Variants in OXR1 observed in about 807,000 individuals in gnomAD.
OXR1 encodes the protein oxidation resistance protein 1.
OXR1 carries 41 observed loss-of-function variants against 104.6 expected under a neutral mutation model. The ratio of observed to expected loss-of-function variants is 0.39; its 90% CI spans 0.31 to 0.51. The LOEUF (loss-of-function observed/expected upper bound fraction) is 0.51, where lower values mean the gene tolerates loss of function less well. Ranked by LOEUF, OXR1 falls within the 20% of genes least tolerant of loss-of-function variation. The pLI is 0.77. For missense variants in OXR1, 955 were observed against 1,031.9 expected (o/e 0.93, Z 1.02); for synonymous variants, 348 against 348.4 (o/e 1.00, Z 0.01).
intron 1 of OXR1, among the ~76,000 whole-genome samples, chr8:106,310,282 C>A (rs973181449): frequency 1.4e-5 from 2 of 143,612 alleles, no homozygotes; most frequent in Admixed American, 7.2e-5. Flanking sequence ...GAAATATAAA[C>A]AACTTCTCAA....
intron 2 of OXR1, among the ~76,000 whole-genome samples, chr8:106,422,227 C>T (rs959027807): frequency 5.3e-5 from 8 of 152,046 alleles, no homozygotes; most frequent in African/African-American, 9.7e-5. Context: ...AAGGAGGAAA[C>T]GTGCTAAAAT....
At chr8:106,646,816 G>A (rs1824125443) in intron 3 of OXR1, among the ~76,000 whole-genome samples, 1 of 152,196 alleles carries the variant, frequency 6.6e-6, no homozygotes, top group African/African-American at 2.4e-5. Context: ...TCTTCATGAT[G>A]TAACATTATT....
intron 3 of OXR1, among the ~76,000 whole-genome samples, chr8:106,562,598 T>G (rs1054841379): frequency 2.0e-5 from 3 of 152,070 alleles, no homozygotes; most frequent in African/African-American, 7.2e-5. Context: ...AGGCCAATAT[T>G]CAAATTCAGG....
At chr8:106,664,606 T>G (rs1826089767) in intron 3 of OXR1, among the ~76,000 whole-genome samples, 1 of 152,246 alleles carries the variant, frequency 6.6e-6, no homozygotes, top group African/African-American at 2.4e-5. Flanking sequence ...AAATTAGTCT[T>G]AAGAGTATAA....
chr8:106,723,497 C>CAAAA (rs550424646), intron 11 of OXR1, among the ~76,000 whole-genome samples: 2 of 95,712 alleles, frequency 2.1e-5, no homozygotes, highest in Admixed American at 1.2e-4. Context: ...GCCTCTGTCT[C>CAAAA]AAAAAAAAAA....
chr8:106,740,192 C>T (rs1834799050), intron 13 of OXR1, 151 bp from the exon 14 acceptor site: 1 of 535,914 alleles, frequency 1.9e-6, no homozygotes, highest in Non-Finnish European at 3.2e-6. Flanking sequence ...ACTTTTCAAT[C>T]ATCTTAGTAT....
chr8:106,372,039 C>T (rs1816727458), intron 2 of OXR1, among the ~76,000 whole-genome samples: 1 of 152,236 alleles, frequency 6.6e-6, no homozygotes, highest in Non-Finnish European at 1.5e-5. Flanking sequence ...GCAGTCACAA[C>T]TGTGCTGGTT....
At chr8:106,590,882 AG>A (rs1319716365) in intron 3 of OXR1, among the ~76,000 whole-genome samples, 2 of 152,178 alleles carry the variant, frequency 1.3e-5, no homozygotes, top group Non-Finnish European at 2.9e-5. Flanking sequence ...CCCGATAGCC[AG>A]GTGTGCCCAT....
chr8:106,401,051 T>G (rs1360028512), intron 2 of OXR1, among the ~76,000 whole-genome samples: 3 of 152,112 alleles, frequency 2.0e-5, no homozygotes, highest in Admixed American at 6.6e-5. Context: ...ATGACAAATG[T>G]TTTTTCAAAT....
intron 3 of OXR1, among the ~76,000 whole-genome samples, chr8:106,587,081 G>C (rs1178627815): frequency 6.6e-6 from 1 of 152,096 alleles, no homozygotes; most frequent in Non-Finnish European, 1.5e-5. Flanking sequence ...ATTTTTATGT[G>C]GATTAATCCA....
Position 106,282,519 on chromosome 8 carries a change from TAC to T in OXR1, c.-139+12153_-139+12154del, listed in dbSNP as rs1812331296. 2.6e-5 allele frequency among the ~76,000 whole-genome samples: 4 copies of T among 152,296 alleles called. No homozygotes were observed. In the East Asian group the frequency reaches 7.7e-4, roughly 29 times the overall value. On this transcript the variant is annotated intron_variant, in intron 1 of 16. Transcript: ENST00000517566. ...CTCAAAAACTTAACTACTAATAGCCTACTATTGACCAGAAGCCTTACCAATAA... is the reference window on the plus strand; with the variant it reads ...CTCAAAAACTTAACTACTAATAGCCTTATTGACCAGAAGCCTTACCAATAA...
chr8:106,274,813 T>A (rs1811970321), intron 1 of OXR1, among the ~76,000 whole-genome samples: 1 of 152,192 alleles, frequency 6.6e-6, no homozygotes, highest in Non-Finnish European at 1.5e-5. Context: ...GCTTCCTCTT[T>A]CCCAAGGGAA....
intron 3 of OXR1, among the ~76,000 whole-genome samples, chr8:106,568,452 G>T (rs1817235993): frequency 1.3e-5 from 2 of 152,038 alleles, no homozygotes; most frequent in Non-Finnish European, 2.9e-5. Context: ...CTACAATTCT[G>T]GAGAATGTAC....
chr8:106,704,566 T>A (rs1231827403), intron 8 of OXR1, among the ~76,000 whole-genome samples: 4 of 151,882 alleles, frequency 2.6e-5, no homozygotes, highest in Non-Finnish European at 5.9e-5. Flanking sequence ...TCTGGCTAAT[T>A]TTTGTATTTT....
At chr8:106,441,883 C>T (rs1267211543) in intron 2 of OXR1, among the ~76,000 whole-genome samples, 1 of 152,146 alleles carries the variant, frequency 6.6e-6, no homozygotes, top group Non-Finnish European at 1.5e-5. Flanking sequence ...TTGACTTCCT[C>T]TCTTCCTATT....
At chr8:106,343,089 C>A (rs1815323751) in intron 1 of OXR1, among the ~76,000 whole-genome samples, 1 of 152,144 alleles carries the variant, frequency 6.6e-6, no homozygotes, top group Non-Finnish European at 1.5e-5. Context: ...ATTCTCACTC[C>A]CAGCTACCTT....
intron 3 of OXR1, among the ~76,000 whole-genome samples, chr8:106,669,004 G>A (rs1389574600): frequency 6.6e-6 from 1 of 152,134 alleles, no homozygotes; most frequent in East Asian, 1.9e-4. Context: ...CTTTTAAATA[G>A]CAAGGCTCTA....
chr8:106,623,099 G>A (rs982393566), intron 3 of OXR1, among the ~76,000 whole-genome samples: 2 of 152,150 alleles, frequency 1.3e-5, no homozygotes, highest in Admixed American at 1.3e-4. Context: ...TCAGATCACT[G>A]ACTGAGTAGA....
At chr8:106,368,723 A>C (rs1164903406) in intron 2 of OXR1, among the ~76,000 whole-genome samples, 1 of 152,092 alleles carries the variant, frequency 6.6e-6, no homozygotes, top group East Asian at 1.9e-4. Context: ...CCCTGCAAAA[A>C]CATGATCTCA....
Sources: allele counts gnomAD v4.1 joint callset (sites outside exome capture counted in the v4.1 genomes callset), GRCh38; gene constraint gnomAD v4.1.1; transcripts MANE v1.5; gene names NCBI Gene and HGNC (gene_info 2026-07-23, HGNC 2026-07-21).